AHRR: variants seen among roughly 807,000 people sequenced by gnomAD.
AHRR encodes ahR repressor.
A neutral mutation model predicts 44.0 loss-of-function variants in AHRR; 28 were observed. The ratio of observed to expected loss-of-function variants is 0.64; its 90% CI spans 0.47 to 0.87. The LOEUF (loss-of-function observed/expected upper bound fraction) is 0.87. AHRR is among the 40% of genes least tolerant of loss of function. AHRR has a pLI of 0.00. For missense variants in AHRR, 990 were observed against 953.9 expected, an observed-to-expected ratio of 1.04 and a Z score of -0.50; for synonymous variants, 434 against 407.0, an observed-to-expected ratio of 1.07 and a Z score of -0.80.
intron 4 of AHRR, among the ~76,000 whole-genome samples, chr5:410,156 G>A: frequency 6.6e-6 from 1 of 152,156 alleles, no homozygotes; most frequent in East Asian, 1.9e-4. Context: ...TTTTTAACAA[G>A]ATTTCTTTAG....
At chr5:397,354 G>GTAGC (rs1734770127) in intron 4 of AHRR, among the ~76,000 whole-genome samples, 1 of 113,674 alleles carries the variant, frequency 8.8e-6, no homozygotes, top group Non-Finnish European at 1.9e-5. Flanking sequence ...GACCATCCAT[G>GTAGC]TTAGCCCCTG....
At chr5:376,819 C>A (rs1000538633) in intron 4 of AHRR, 103 bp downstream of exon 4, 18 of 992,866 alleles carry the variant, frequency 1.8e-5, no homozygotes, top group African/African-American at 1.8e-4. Flanking sequence ...CAGGCCCTCA[C>A]CCAGGAGGCC....
At chr5:422,098 C>T (rs1462608794) in intron 5 of AHRR, among the ~76,000 whole-genome samples, 1 of 152,084 alleles carries the variant, frequency 6.6e-6, no homozygotes, top group African/African-American at 2.4e-5. Context: ...CTTCCTCAGG[C>T]GCCGACACGC....
intron 5 of AHRR, among the ~76,000 whole-genome samples, chr5:415,734 T>TCGG: frequency 7.6e-6 from 1 of 131,592 alleles, no homozygotes. Context: ...CTAGGGGCTG[T>TCGG]GCAGAGCAGC....
At chr5:322,203 C>A (rs907982775) in intron 1 of AHRR, among the ~76,000 whole-genome samples, 1 of 152,034 alleles carries the variant, frequency 6.6e-6, no homozygotes, top group Admixed American at 6.5e-5. Flanking sequence ...GGGGCCTCAC[C>A]CCCGGGAAAG....
chr5:403,374 C>G (rs1017871788), intron 4 of AHRR, among the ~76,000 whole-genome samples: 1 of 152,106 alleles, frequency 6.6e-6, no homozygotes, highest in Non-Finnish European at 1.5e-5. Flanking sequence ...CAGTGGCTCA[C>G]CCTGTAATCC....
At chr5:330,664 G>A (rs72711343) in intron 1 of AHRR, among the ~76,000 whole-genome samples, 1,535 of 151,974 alleles carry the variant, frequency 0.01, 9 homozygotes, top group Non-Finnish European at 0.014. Flanking sequence ...GCCACTGTGC[G>A]CCGCGGAGGA....
intron 1 of AHRR, 93 bp from the exon 2 acceptor site, chr5:343,800 G>A (rs1742456242): frequency 3.8e-6 from 5 of 1,328,204 alleles, no homozygotes; most frequent in South Asian, 1.3e-5. Context: ...GGGTGTGGGG[G>A]CGCCAGGACC....
intron 1 of AHRR, among the ~76,000 whole-genome samples, chr5:330,317 A>G (rs555425637): frequency 7.2e-5 from 11 of 152,256 alleles, no homozygotes; most frequent in African/African-American, 2.2e-4. Context: ...TACAAAGCCT[A>G]CTTGATTGTG....
intron 3 of AHRR, 70 bp from the exon 4 acceptor site, chr5:376,540 A>AGAT: frequency 6.8e-7 from 1 of 1,472,404 alleles, no homozygotes; most frequent in Admixed American, 2.2e-5. Context: ...AACACAGGAA[A>AGAT]GATGTGAATG....
At chr5:375,676 C>T (rs576193045) in intron 3 of AHRR, among the ~76,000 whole-genome samples, 260 of 152,240 alleles carry the variant, frequency 1.7e-3, no homozygotes, top group African/African-American at 5.9e-3. Context: ...GCAGCAGATG[C>T]CCCCCCGGCC....
Position 395,660 on chromosome 5 carries a change from G to C in AHRR, c.352-17684G>C, listed in dbSNP as rs76824225. ...GTCATCGGGCCGCGCTGCTGCTCTG[G>C]TGTGGTTTCTGGAAAATTCCTGAGA... On this transcript the variant is annotated intron_variant, in intron 4 of 10. Transcript: ENST00000684583. This position sits in a 1 kb window ranked among gnomAD's most constrained non-coding sequence, Gnocchi z 5.3. Among the ~76,000 whole-genome samples the C allele has an allele frequency of 6.2e-3, 948 of 152,346 alleles. 8 individuals carry two copies. Among genetic ancestry groups the C allele is most frequent in the African/African-American group, 0.022 (910 of 41,584 alleles).
intron 3 of AHRR, among the ~76,000 whole-genome samples, chr5:363,716 G>T (rs1743259813): frequency 6.6e-6 from 1 of 152,194 alleles, no homozygotes; most frequent in African/African-American, 2.4e-5. Flanking sequence ...GCACTTGCAG[G>T]CCTCGTGAAA....
In AHRR at chr5:395,646, G is replaced by A. The variant is rs914940673; in HGVS notation, c.352-17698G>A. ...CCGCTCGGCAGACGGTCATCGGGCC[G>A]CGCTGCTGCTCTGGTGTGGTTTCTG... On this transcript the variant is annotated intron_variant, in intron 4 of 10. Coordinates refer to ENST00000684583, the MANE Select transcript of AHRR (RefSeq NM_001377236.1). This position sits in a 1 kb window ranked among gnomAD's most constrained non-coding sequence, Gnocchi z 5.3. Among the ~76,000 whole-genome samples, 1 of 152,244 alleles carries A rather than the reference G, an allele frequency of 6.6e-6. No homozygotes were observed. The highest frequency in any genetic ancestry group is 1.9e-4 in the East Asian group (1 of 5,202).
intron 2 of AHRR, among the ~76,000 whole-genome samples, chr5:347,345 A>G (rs1008068414): frequency 3.9e-5 from 6 of 152,232 alleles, no homozygotes; most frequent in Non-Finnish European, 8.8e-5. Context: ...TTTGCCATGC[A>G]GAAAAAATTA....
chr5:344,966 G>GGT (rs1742559987), intron 2 of AHRR, among the ~76,000 whole-genome samples: 1 of 83,206 alleles, frequency 1.2e-5, no homozygotes, highest in Non-Finnish European at 2.6e-5. Flanking sequence ...TGTGAGGTTG[G>GGT]GGGCTGTGTG....
chr5:370,468 G>T lies in AHRR; in HGVS notation c.245-6142G>T, dbSNP rs1180621855. Reference sequence around the variant, plus strand: ...GGTCCCTCAGGAGGGAGCTTGAGCTGGAAGCAGGGGTGAGTGAAATCAGGT... The same window carrying T: ...GGTCCCTCAGGAGGGAGCTTGAGCTTGAAGCAGGGGTGAGTGAAATCAGGT... On this transcript the variant is annotated intron_variant, in intron 3 of 10. Transcript: ENST00000684583. This position sits in a 1 kb window ranked among gnomAD's most constrained non-coding sequence, Gnocchi z 4.5. Among the ~76,000 whole-genome samples, 2 of 152,202 alleles carry T rather than the reference G, an allele frequency of 1.3e-5. No homozygotes were observed. Among genetic ancestry groups the T allele is most frequent in the Non-Finnish European group, 2.9e-5 (2 of 68,040 alleles).
chr5:432,302 C>T (rs1736765264), intron 8 of AHRR, 161 bp from the exon 9 acceptor site: 1 of 664,740 alleles, frequency 1.5e-6, no homozygotes. Flanking sequence ...ACTTTCCACA[C>T]TATAAAGAAT....
chr5:382,279 GT>G (rs1201812189), intron 4 of AHRR, among the ~76,000 whole-genome samples: 2 of 152,340 alleles, frequency 1.3e-5, no homozygotes, highest in Non-Finnish European at 1.5e-5. Context: ...GAATTCATTA[GT>G]TAAAACATCT....
Sources: allele counts gnomAD v4.1 joint callset (sites outside exome capture counted in the v4.1 genomes callset), GRCh38; gene constraint gnomAD v4.1.1; non-coding constraint Gnocchi (gnomAD v3.1); transcripts MANE v1.5; gene names NCBI Gene and HGNC (gene_info 2026-07-23, HGNC 2026-07-21).